Variants in TFPI observed in about 807,000 individuals in gnomAD.
The protein encoded by TFPI is tissue factor pathway inhibitor, also known as anti-convertin.
Under a neutral mutation model 34.6 loss-of-function variants are expected in TFPI, and 15 were observed. That is an observed-to-expected ratio of 0.43 (90% CI 0.29 to 0.67). TFPI has a LOEUF of 0.67. Among genes scored for constraint, TFPI ranks in the 30% least tolerant of loss-of-function variants. TFPI has a pLI of 0.15. For synonymous variants in TFPI, 105 were observed against 120.1 expected (o/e 0.87, Z 0.82); for missense variants, 301 against 364.0 (o/e 0.83, Z 1.41).
chr2:187,502,494 C>T (rs1051274798), intron 2 of TFPI, among the ~76,000 whole-genome samples: 4 of 152,076 alleles, frequency 2.6e-5, no homozygotes, highest in Admixed American at 6.6e-5. Flanking sequence ...AGAAAAAAGC[C>T]GAATGAGGGA....
intron 1 of TFPI, among the ~76,000 whole-genome samples, chr2:187,525,839 A>C (rs1039344418): frequency 8.8e-5 from 13 of 147,670 alleles, no homozygotes; most frequent in Admixed American, 7.5e-4. Flanking sequence ...AGGAAATAAC[A>C]AACTATTCAT....
chr2:187,545,809 G>C (rs1688828283), intron 1 of TFPI, among the ~76,000 whole-genome samples: 1 of 152,006 alleles, frequency 6.6e-6, no homozygotes. Context: ...TTGAGCCAAA[G>C]TTAAGAAATT....
intron 6 of TFPI, among the ~76,000 whole-genome samples, chr2:187,479,455 T>C (rs911395966): frequency 6.7e-6 from 1 of 149,988 alleles, no homozygotes; most frequent in Non-Finnish European, 1.5e-5. Context: ...CTTTCTGATA[T>C]CTATTTATTT....
chr2:187,504,382 C>T (rs1686054269), intron 1 of TFPI, among the ~76,000 whole-genome samples: 1 of 151,922 alleles, frequency 6.6e-6, no homozygotes, highest in Admixed American at 6.6e-5. Context: ...GTCTGACATT[C>T]GAGTTAGTCC....
intron 1 of TFPI, among the ~76,000 whole-genome samples, chr2:187,535,378 AAC>A (rs1688194098): frequency 6.6e-6 from 1 of 152,242 alleles, no homozygotes; most frequent in Non-Finnish European, 1.5e-5. Context: ...CGGAAATTAT[AAC>A]AGTCTCTCAG....
At chr2:187,504,025 T>A (rs560719735) in intron 1 of TFPI, among the ~76,000 whole-genome samples, 1 of 152,228 alleles carries the variant, frequency 6.6e-6, no homozygotes, top group Middle Eastern at 3.4e-3. Flanking sequence ...ACTTTGAAAA[T>A]ATAAATAAAA....
At chr2:187,532,351 G>A (rs114676835) in intron 1 of TFPI, among the ~76,000 whole-genome samples, 283 of 152,320 alleles carry the variant, frequency 1.9e-3, no homozygotes, top group African/African-American at 6.4e-3. Flanking sequence ...CAGAAGGTGC[G>A]TGATTTCTGC....
At chr2:187,476,067 C>A (rs565004077) in intron 6 of TFPI, among the ~76,000 whole-genome samples, 1 of 152,236 alleles carries the variant, frequency 6.6e-6, no homozygotes, top group East Asian at 1.9e-4. Flanking sequence ...ATTTAGAGAG[C>A]TTGAACATTT....
rs895994408 is a variant in TFPI, at chr2:187,511,831, A to G, written c.-2-8061T>C. On this transcript the variant is annotated intron_variant, in intron 1 of 7. Coordinates refer to ENST00000233156, the MANE Select transcript of TFPI (RefSeq NM_006287.6). ...AGGAAAGACCAGCAGAGAGAGAGAG[A>G]TAGAGGAAAGAGACAGAGAGGGAAA... Among the ~76,000 whole-genome samples the G allele has an allele frequency of 7.2e-5, 11 of 152,092 alleles. No individual in the cohort carries two copies. The East Asian group carries it at 1.7e-3, about 24-fold the overall frequency.
At chr2:187,467,174 T>C in intron 7 of TFPI, 132 bp from the exon 8 acceptor site, 1 of 591,554 alleles carries the variant, frequency 1.7e-6, no homozygotes, top group Non-Finnish European at 2.8e-6. Flanking sequence ...CTTTAATTTG[T>C]CCATGTATTC....
intron 1 of TFPI, among the ~76,000 whole-genome samples, chr2:187,537,763 C>T (rs1270779872): frequency 6.6e-6 from 1 of 152,166 alleles, no homozygotes; most frequent in Non-Finnish European, 1.5e-5. Flanking sequence ...TAAAGAGTTT[C>T]TGCACAGCAA....
chr2:187,503,891 A>G, intron 1 of TFPI, 121 bp from the exon 2 acceptor site: 1 of 1,055,972 alleles, frequency 9.5e-7, no homozygotes, highest in Non-Finnish European at 1.3e-6. Context: ...ATGTGTATAC[A>G]CATACATTTC....
At chr2:187,476,863 T>G (rs996489519) in intron 6 of TFPI, among the ~76,000 whole-genome samples, 1 of 152,156 alleles carries the variant, frequency 6.6e-6, no homozygotes, top group Non-Finnish European at 1.5e-5. Flanking sequence ...TTAGTATTAT[T>G]TATTAGTTTG....
intron 1 of TFPI, chr2:187,546,638 TA>T (rs1460075119): frequency 6.6e-6 from 1 of 152,148 alleles, no homozygotes; most frequent in Non-Finnish European, 1.5e-5. Context: ...ATAATTACCA[TA>T]CATATTAAAA....
chr2:187,507,747 C>T (rs1344431473), intron 1 of TFPI, among the ~76,000 whole-genome samples: 2 of 151,980 alleles, frequency 1.3e-5, no homozygotes, highest in East Asian at 3.9e-4. Context: ...AAATTTTCTC[C>T]CATTCTGTAG....
intron 3 of TFPI, among the ~76,000 whole-genome samples, chr2:187,495,831 C>T (rs1025902915): frequency 3.3e-5 from 5 of 151,908 alleles, no homozygotes; most frequent in East Asian, 3.9e-4. Context: ...ACCAGCTCTA[C>T]GAACATGCTA....
Position 187,481,619 on chromosome 2 carries a change from C to T in TFPI, c.628+2505G>A, listed in dbSNP as rs1692861009. 3.4e-5 allele frequency among the ~76,000 whole-genome samples: 4 copies of T among 117,706 alleles called. No individual in the cohort carries two copies. The South Asian group carries it at 1.1e-3, about 34-fold the overall frequency. The allele number at this position is 117,706 out of a possible 152,430, so 77.2% of individuals were successfully genotyped here. ...TCTCCTAGTTACTGCAACATTGTTT[C>T]ATGTTTTAGATTAGGAAGGAAGAAA... On this transcript the variant is annotated intron_variant, in intron 6 of 7. Transcript: ENST00000233156.
chr2:187,550,074 T>G (rs953610572), intron 1 of TFPI, among the ~76,000 whole-genome samples: 1 of 152,016 alleles, frequency 6.6e-6, no homozygotes, highest in South Asian at 2.1e-4. Flanking sequence ...TCGCTGAGTT[T>G]GGGAGACAAA....
intron 6 of TFPI, among the ~76,000 whole-genome samples, chr2:187,468,556 T>G (rs1691849399): frequency 6.6e-6 from 1 of 152,110 alleles, no homozygotes; most frequent in African/African-American, 2.4e-5. Flanking sequence ...TATTTGAAGC[T>G]TAGTTCTAGA....
Sources: gnomAD v4.1 joint callset for allele counts (sites outside exome capture counted in the v4.1 genomes callset) on GRCh38, gnomAD v4.1.1 for gene constraint, MANE v1.5 for transcripts, NCBI Gene and HGNC (gene_info 2026-07-23, HGNC 2026-07-21) for gene names.